Variants in NHEJ1 observed in about 807,000 individuals in gnomAD.
NHEJ1 encodes the protein non-homologous end joining factor 1.
A neutral mutation model predicts 39.4 loss-of-function variants in NHEJ1; 22 were observed. That is an observed-to-expected ratio of 0.56 (90% CI 0.40 to 0.80). The LOEUF (loss-of-function observed/expected upper bound fraction) is 0.80. Ranked by LOEUF, NHEJ1 falls within the 30% of genes least tolerant of loss-of-function variation. NHEJ1 has a pLI of 0.00. For missense variants in NHEJ1, 329 were observed against 357.1 expected (o/e 0.92, Z 0.63); for synonymous variants, 154 against 135.6 (o/e 1.14, Z -0.94).
At chr2:219,137,570 CAAAAAAA>C (rs58279021) in intron 5 of NHEJ1, among the ~76,000 whole-genome samples, 28 of 34,728 alleles carry the variant, frequency 8.1e-4, no homozygotes, top group South Asian at 1.8e-3. Flanking sequence ...GTGTTACAGG[CAAAAAAA>C]AAAAAAAAAA....
At chr2:219,098,362 C>T (rs1224207461) in intron 5 of NHEJ1, among the ~76,000 whole-genome samples, 1 of 152,124 alleles carries the variant, frequency 6.6e-6, no homozygotes, top group Non-Finnish European at 1.5e-5. Context: ...ACTAATATAA[C>T]AATCTTATAG....
At chr2:219,115,973 C>T (rs1007143761) in intron 5 of NHEJ1, among the ~76,000 whole-genome samples, 3 of 151,810 alleles carry the variant, frequency 2.0e-5, no homozygotes, top group East Asian at 1.9e-4. Flanking sequence ...TATAAAAATT[C>T]GCTGGGCGTG....
intron 5 of NHEJ1, among the ~76,000 whole-genome samples, chr2:219,140,705 G>A (rs1190855369): frequency 2.6e-5 from 4 of 152,174 alleles, no homozygotes; most frequent in African/African-American, 4.8e-5. Flanking sequence ...AATTTTGGAC[G>A]TGTTGAATTT....
intron 5 of NHEJ1, among the ~76,000 whole-genome samples, chr2:219,110,153 AAC>A (rs967076459): frequency 6.6e-6 from 1 of 152,164 alleles, no homozygotes; most frequent in South Asian, 2.1e-4. Flanking sequence ...GACAGCAATG[AAC>A]ACACAGACAA....
chr2:219,087,365 CA>C (rs1373154946), intron 5 of NHEJ1, among the ~76,000 whole-genome samples: 1 of 144,708 alleles, frequency 6.9e-6, no homozygotes, highest in East Asian at 2.0e-4. Context: ...TAGCACTGTG[CA>C]GGAGTGCAGA....
chr2:219,144,432 G>A (rs1373311195), intron 5 of NHEJ1, among the ~76,000 whole-genome samples: 1 of 152,020 alleles, frequency 6.6e-6, no homozygotes, highest in Non-Finnish European at 1.5e-5. Context: ...TAAAACAGAG[G>A]TATAATCCAA....
intron 3 of NHEJ1, among the ~76,000 whole-genome samples, chr2:219,148,069 G>A (rs1219974891): frequency 6.6e-6 from 1 of 152,198 alleles, no homozygotes; most frequent in Non-Finnish European, 1.5e-5. Flanking sequence ...CACAAGCACG[G>A]CCAACATGGC....
chr2:219,156,983 C>G (rs548787480), intron 3 of NHEJ1, among the ~76,000 whole-genome samples: 2 of 152,330 alleles, frequency 1.3e-5, no homozygotes, highest in African/African-American at 4.8e-5. Flanking sequence ...TTGCTCCTCA[C>G]TTACACATCT....
intron 5 of NHEJ1, among the ~76,000 whole-genome samples, chr2:219,085,900 T>A (rs1949107431): frequency 6.6e-6 from 1 of 152,144 alleles, no homozygotes; most frequent in Non-Finnish European, 1.5e-5. Context: ...TGGAGTAAGA[T>A]AGGTGCAGAG....
chr2:219,076,199 CTTGAACAGGGAAGGCCAA>C lies in NHEJ1; in HGVS notation c.*164_*181del, dbSNP rs1949011617. ...CGGGATTCTCAGAGACTGGCTTCCACTTGAACAGGGAAGGCCAATTCCCTGTGGGCCTGTCAACATCAA... is the reference window on the plus strand; with the variant it reads ...CGGGATTCTCAGAGACTGGCTTCCACTTCCCTGTGGGCCTGTCAACATCAA... On this transcript the variant is annotated 3_prime_UTR_variant, in exon 8 of 8. Transcript: ENST00000356853. 7.3e-7 allele frequency: 1 copy of C among 1,376,118 alleles called. No homozygotes were observed. Among genetic ancestry groups the C allele is most frequent in the Non-Finnish European group, 9.8e-7 (1 of 1,023,718 alleles). The allele number at this position is 1,376,118 out of a possible 1,614,324, so 85.2% of individuals were successfully genotyped here. A position where few individuals can be genotyped will look rare whatever the true frequency, so the allele number is the denominator to read the frequency against.
chr2:219,089,549 C>T (rs1183591661), intron 5 of NHEJ1, among the ~76,000 whole-genome samples: 1 of 152,094 alleles, frequency 6.6e-6, no homozygotes, highest in East Asian at 1.9e-4. Flanking sequence ...TCCATAAAGA[C>T]AGAGAGTAGT....
intron 5 of NHEJ1, among the ~76,000 whole-genome samples, chr2:219,106,983 G>A (rs1488335581): frequency 6.6e-6 from 1 of 152,126 alleles, no homozygotes; most frequent in African/African-American, 2.4e-5. Flanking sequence ...CGGCCTACCT[G>A]CCTTCTAGTA....
At chr2:219,159,526 C>CAT (rs5838720) in intron 1 of NHEJ1, among the ~76,000 whole-genome samples, 17,593 of 41,868 alleles carry the variant, frequency 0.42, 3,115 homozygotes, top group Non-Finnish European at 0.52. Flanking sequence ...TATATATATG[C>CAT]ATATATATAT....
At chr2:219,141,922 C>T (rs58232675) in intron 5 of NHEJ1, among the ~76,000 whole-genome samples, 2 of 152,198 alleles carry the variant, frequency 1.3e-5, no homozygotes, top group East Asian at 3.9e-4. Flanking sequence ...TGGCAATTTT[C>T]AAGTTAAAGC....
intron 5 of NHEJ1, among the ~76,000 whole-genome samples, chr2:219,093,680 G>C (rs1413494055): frequency 3.3e-5 from 5 of 152,198 alleles, no homozygotes; most frequent in African/African-American, 1.2e-4. Context: ...GAAAGGAACT[G>C]AATGTTACTA....
intron 5 of NHEJ1, among the ~76,000 whole-genome samples, chr2:219,102,201 G>A (rs1949268253): frequency 6.6e-6 from 1 of 152,104 alleles, no homozygotes; most frequent in South Asian, 2.1e-4. Flanking sequence ...CTAGATTAAA[G>A]GATATATTTG....
Position 219,071,209 on chromosome 2 carries a change from AG to A in NHEJ1, c.*5171del, listed in dbSNP as rs1948953811. On this transcript the variant is annotated 3_prime_UTR_variant, in exon 8 of 8. Transcript: ENST00000356853. Reference sequence around the variant, plus strand: ...CTCAGCCTTCAAGGCCTGAGGTAGGAGGGAAAAGCCAGGATGAAGTGCCAGT... The same window carrying A: ...CTCAGCCTTCAAGGCCTGAGGTAGGAGGAAAAGCCAGGATGAAGTGCCAGT... 6.6e-6 allele frequency among the ~76,000 whole-genome samples: 1 copy of A among 152,158 alleles called. No homozygotes were observed. Among genetic ancestry groups the A allele is most frequent in the Non-Finnish European group, 1.5e-5 (1 of 68,022 alleles).
chr2:219,121,895 G>T (rs974506382), intron 5 of NHEJ1, among the ~76,000 whole-genome samples: 7 of 152,054 alleles, frequency 4.6e-5, no homozygotes, highest in African/African-American at 1.7e-4. Flanking sequence ...TACAATAGTA[G>T]GGTGGCTTGG....
At chr2:219,159,046 C>G (rs560656346) in intron 1 of NHEJ1, 1 of 153,536 alleles carries the variant, frequency 6.5e-6, no homozygotes, top group South Asian at 2.0e-4. Flanking sequence ...AGCTAAGAAC[C>G]TGTGTCCAGG....
Sources: gnomAD v4.1 joint callset for allele counts (sites outside exome capture counted in the v4.1 genomes callset) on GRCh38, gnomAD v4.1.1 for gene constraint, MANE v1.5 for transcripts, NCBI Gene and HGNC (gene_info 2026-07-23, HGNC 2026-07-21) for gene names.